Variants in TTC28 observed in about 807,000 individuals in gnomAD.
TTC28 encodes the protein tetratricopeptide repeat domain 28.
TTC28 carries 61 observed loss-of-function variants against 198.0 expected under a neutral mutation model. The ratio of observed to expected loss-of-function variants is 0.31; its 90% CI spans 0.25 to 0.38. The LOEUF is 0.38. TTC28 is among the 10% of genes least tolerant of loss of function. The pLI is 1.00. For missense variants in TTC28, 2,678 were observed against 3,164.0 expected, an observed-to-expected ratio of 0.85 and a Z score of 3.69; for synonymous variants, 1,171 against 1,297.8, an observed-to-expected ratio of 0.90 and a Z score of 2.10.
chr22:28,326,812 C>T (rs2045537380), intron 2 of TTC28, among the ~76,000 whole-genome samples: 1 of 152,086 alleles, frequency 6.6e-6, no homozygotes, highest in Non-Finnish European at 1.5e-5. Context: ...TTTCTCCAAA[C>T]TGAGTCAAAC....
chr22:28,611,065 G>A (rs551511178), intron 2 of TTC28, among the ~76,000 whole-genome samples: 3 of 152,228 alleles, frequency 2.0e-5, no homozygotes, highest in East Asian at 1.9e-4. Flanking sequence ...AAGAAATATG[G>A]GACTATGTGA....
intron 2 of TTC28, among the ~76,000 whole-genome samples, chr22:28,390,269 G>C (rs2146061530): frequency 6.6e-6 from 1 of 152,060 alleles, no homozygotes; most frequent in South Asian, 2.1e-4. Context: ...CCAAGTATGT[G>C]GTCAATTTTG....
At chr22:28,337,428 T>G (rs1043447862) in intron 2 of TTC28, among the ~76,000 whole-genome samples, 23 of 152,164 alleles carry the variant, frequency 1.5e-4, no homozygotes, top group African/African-American at 5.1e-4. Flanking sequence ...CTGTCTAATG[T>G]TGACAGTGGG....
chr22:28,053,377 G>C (rs934492867), intron 12 of TTC28, among the ~76,000 whole-genome samples: 1 of 152,188 alleles, frequency 6.6e-6, no homozygotes, highest in African/African-American at 2.4e-5. Flanking sequence ...AATAAGAAAA[G>C]TAGTTTCCAT....
intron 2 of TTC28, among the ~76,000 whole-genome samples, chr22:28,497,334 T>C (rs1301477727): frequency 2.0e-5 from 3 of 152,008 alleles, no homozygotes; most frequent in Non-Finnish European, 2.9e-5. Flanking sequence ...TTCTTAACAC[T>C]AGGGGGAAAA....
At chr22:28,326,441 AGTG>A (rs2045531115) in intron 2 of TTC28, among the ~76,000 whole-genome samples, 2 of 152,130 alleles carry the variant, frequency 1.3e-5, no homozygotes, top group Admixed American at 1.3e-4. Context: ...TTGAGTAAAT[AGTG>A]GTAACGATTA....
At chr22:28,344,247 T>C (rs1232083410) in intron 2 of TTC28, among the ~76,000 whole-genome samples, 2 of 151,840 alleles carry the variant, frequency 1.3e-5, no homozygotes, top group African/African-American at 2.4e-5. Flanking sequence ...ATGAAACATA[T>C]ATTCTCTGAA....
intron 2 of TTC28, among the ~76,000 whole-genome samples, chr22:28,372,143 C>T (rs1314662509): frequency 6.6e-6 from 1 of 152,104 alleles, no homozygotes; most frequent in African/African-American, 2.4e-5. Flanking sequence ...AAACCTTCAA[C>T]AATGACAGAT....
Position 28,297,754 on chromosome 22 carries a change from C to A in TTC28, c.628G>T (p.Gly210Cys). The A allele has an allele frequency of 6.4e-7, 1 of 1,551,618 alleles. No individual in the cohort carries two copies. The highest frequency in any genetic ancestry group is 8.7e-7 in the Non-Finnish European group (1 of 1,146,986). The change falls in exon 4 of 23, where the codon GGC becomes TGC. Residue 210 changes from glycine to cysteine, a missense_variant. Transcript: ENST00000397906. ...ACAACCACAGAGGCCCCATGATGGC[C>A]AGCTGTCAGGAGTTCCTGCCCAACC... ...SVVGQELLTA[G>C]HHGASVVVLE...
At chr22:28,443,791 C>T (rs562664029) in intron 2 of TTC28, among the ~76,000 whole-genome samples, 2 of 152,098 alleles carry the variant, frequency 1.3e-5, no homozygotes, top group East Asian at 3.9e-4. Flanking sequence ...AGGCACCCAA[C>T]GGCTCCTAAG....
At chr22:28,558,822 G>A (rs552083786) in intron 2 of TTC28, among the ~76,000 whole-genome samples, 1 of 152,298 alleles carries the variant, frequency 6.6e-6, no homozygotes, top group Admixed American at 6.5e-5. Context: ...CCTGAGGTCA[G>A]GAGATCAAAA....
chr22:28,633,309 AAG>A (rs886799193), intron 1 of TTC28, among the ~76,000 whole-genome samples: 4 of 151,788 alleles, frequency 2.6e-5, no homozygotes, highest in Non-Finnish European at 5.9e-5. Flanking sequence ...GAAAAAGAAA[AAG>A]AAAAAAAATT....
intron 5 of TTC28, among the ~76,000 whole-genome samples, chr22:28,220,865 T>A (rs1029753204): frequency 6.6e-6 from 1 of 151,882 alleles, no homozygotes; most frequent in Admixed American, 6.6e-5. Context: ...TAGTAGAGAA[T>A]AGGAAAAATT....
At chr22:28,373,986 T>TA (rs2046374529) in intron 2 of TTC28, among the ~76,000 whole-genome samples, 1 of 152,236 alleles carries the variant, frequency 6.6e-6, no homozygotes, top group African/African-American at 2.4e-5. Context: ...ATTTTGAGCT[T>TA]ACTGCTTTGA....
At chr22:28,456,645 G>A (rs535600273) in intron 2 of TTC28, among the ~76,000 whole-genome samples, 2 of 151,954 alleles carry the variant, frequency 1.3e-5, no homozygotes, top group South Asian at 2.1e-4. Context: ...GCATGATCTC[G>A]GCTCACTGCA....
chr22:28,220,323 C>A (rs570577505), intron 5 of TTC28, among the ~76,000 whole-genome samples: 1 of 152,268 alleles, frequency 6.6e-6, no homozygotes. Flanking sequence ...TAAAATAACA[C>A]CCATTTATTA....
In TTC28 at chr22:27,983,316, G is replaced by C. The variant is rs1245670708; in HGVS notation, c.6351C>G (p.Ser2117Arg). Residue 2117 changes from serine (S) to arginine (R), a missense_variant, in exon 23 of 23, where the codon AGC becomes AGG. Physicochemically the swap from Ser to Arg is moderately radical, Grantham distance 110. Coordinates refer to ENST00000397906, the MANE Select transcript of TTC28 (RefSeq NM_001145418.2). ...CCACCTTTTGGAAGGGTGAGTTGGG[G>C]CTGGGAATCAGAGTCATTTTCACTG... ...NSPVKMTLIP[S>R]PNSPFQKVGK... 6.4e-6 allele frequency: 10 copies of C among 1,551,912 alleles called. No individual in the cohort carries two copies. The highest frequency in any genetic ancestry group is 1.2e-5 in the South Asian group (1 of 84,058).
At chr22:28,520,509 T>C (rs931208228) in intron 2 of TTC28, among the ~76,000 whole-genome samples, 1 of 152,234 alleles carries the variant, frequency 6.6e-6, no homozygotes, top group African/African-American at 2.4e-5. Flanking sequence ...TAGAATCATC[T>C]GTGGCAGACC....
At chr22:28,128,779 A>G (rs1942980478) in intron 6 of TTC28, among the ~76,000 whole-genome samples, 1 of 152,252 alleles carries the variant, frequency 6.6e-6, no homozygotes. Context: ...GGCTCAAGCA[A>G]TCTGCCCATC....
Sources: allele counts gnomAD v4.1 joint callset (sites outside exome capture counted in the v4.1 genomes callset), GRCh38; gene constraint gnomAD v4.1.1; transcripts MANE v1.5; gene names NCBI Gene and HGNC (gene_info 2026-07-23, HGNC 2026-07-21).